CACNA1C: variants seen among roughly 807,000 people sequenced by gnomAD.
CACNA1C encodes the protein voltage-dependent L-type calcium channel subunit alpha-1C.
In CACNA1C, 30 loss-of-function variants were observed where a neutral mutation model predicts 229.0. The ratio of observed to expected loss-of-function variants is 0.13; its 90% CI spans 0.10 to 0.18. The LOEUF is 0.18. Ranked by LOEUF, CACNA1C falls within the 10% of genes least tolerant of loss-of-function variation. CACNA1C has a pLI of 1.00. For missense variants in CACNA1C, 1,658 were observed against 2,845.0 expected (o/e 0.58, Z 9.49); for synonymous variants, 1,114 against 1,132.5 (o/e 0.98, Z 0.33).
intron 3 of CACNA1C, among the ~76,000 whole-genome samples, chr12:2,145,643 G>C (rs1202988986): frequency 6.6e-6 from 1 of 151,292 alleles, no homozygotes; most frequent in African/African-American, 2.4e-5. Context: ...CTGTGAGAGA[G>C]GGTATGGTAC....
At chr12:2,253,108 G>A (rs2076205346) in intron 3 of CACNA1C, among the ~76,000 whole-genome samples, 2 of 152,198 alleles carry the variant, frequency 1.3e-5, no homozygotes. Context: ...TGAGTTTGGT[G>A]TAGCCCCTTC....
In CACNA1C at chr12:2,348,092, G is replaced by T. The variant is rs149705098; in HGVS notation, c.478-100884G>T. Among the ~76,000 whole-genome samples, 1 of 152,194 alleles carries T rather than the reference G, an allele frequency of 6.6e-6. No homozygotes were observed. ...AGAAACTGCAGTGAGGTGACTGTGC[G>T]GCAGGCCCACTCTCAACTCGAGGGG... On this transcript the variant is annotated intron_variant, in intron 3 of 46. Coordinates refer to ENST00000399655, the MANE Select transcript of CACNA1C (RefSeq NM_000719.7). The surrounding 1 kb of genome is among the most constrained non-coding windows in gnomAD (Gnocchi z 4.7).
chr12:2,387,236 G>A (rs2154547547), intron 3 of CACNA1C, among the ~76,000 whole-genome samples: 1 of 152,272 alleles, frequency 6.6e-6, no homozygotes, highest in Non-Finnish European at 1.5e-5. Context: ...TGTAATCTCA[G>A]CACTTTAGGA....
rs2099558316 is a variant in CACNA1C at position 2,467,176 on chromosome 12, C to T, written c.757+9470C>T. Among the ~76,000 whole-genome samples, 1 of 152,136 alleles carries T rather than the reference C, an allele frequency of 6.6e-6. No homozygotes were observed. The highest frequency in any genetic ancestry group is 1.5e-5 in the Non-Finnish European group (1 of 68,022). On this transcript the variant is annotated intron_variant, in intron 5 of 46. Coordinates refer to ENST00000399655, the MANE Select transcript of CACNA1C (RefSeq NM_000719.7). The surrounding 1 kb of genome is among the most constrained non-coding windows in gnomAD (Gnocchi z 4.6). ...CTACAACATCTTCTAAGCCCTTTCCCTCCCACTTCTTTCACTGCCACAGGA... is the reference window on the plus strand; with the variant it reads ...CTACAACATCTTCTAAGCCCTTTCCTTCCCACTTCTTTCACTGCCACAGGA...
intron 1 of CACNA1C, chr12:1,991,660 T>A (rs2039457732): frequency 5.6e-6 from 1 of 179,432 alleles, no homozygotes; most frequent in African/African-American, 2.4e-5. Flanking sequence ...TTAGTGACTA[T>A]CATAGTGGAC....
intron 1 of CACNA1C, among the ~76,000 whole-genome samples, chr12:2,058,157 A>G (rs946630107): frequency 6.6e-6 from 1 of 152,110 alleles, no homozygotes; most frequent in Admixed American, 6.5e-5. Flanking sequence ...GGCAAGTTCC[A>G]TGAGGTCTGA....
chr12:2,122,992 G>A (rs1029970735), intron 3 of CACNA1C, among the ~76,000 whole-genome samples: 1 of 152,200 alleles, frequency 6.6e-6, no homozygotes, highest in Non-Finnish European at 1.5e-5. Flanking sequence ...GGATGCCGAT[G>A]ATTAGTCAGC....
chr12:2,169,725 T>C (rs1367395025), intron 3 of CACNA1C, among the ~76,000 whole-genome samples: 9 of 152,196 alleles, frequency 5.9e-5, no homozygotes, highest in Admixed American at 5.9e-4. Context: ...TGGACTCTGC[T>C]CCTACTATTT....
chr12:2,386,721 C>G (rs2098398176), intron 3 of CACNA1C, among the ~76,000 whole-genome samples: 1 of 152,192 alleles, frequency 6.6e-6, no homozygotes, highest in African/African-American at 2.4e-5. Flanking sequence ...GTCTCTATCT[C>G]CACCCCCATT....
chr12:2,100,326 A>G (rs1269588755), intron 1 of CACNA1C, among the ~76,000 whole-genome samples: 1 of 151,618 alleles, frequency 6.6e-6, no homozygotes, highest in Non-Finnish European at 1.5e-5. Context: ...CGTGCCTGTA[A>G]TCCCAGCTAC....
chr12:2,430,582 G>C (rs984007568), intron 3 of CACNA1C, among the ~76,000 whole-genome samples: 1 of 151,066 alleles, frequency 6.6e-6, no homozygotes, highest in African/African-American at 2.5e-5. Context: ...TGGTGGGGGG[G>C]TCCGAGCATG....
intron 3 of CACNA1C, among the ~76,000 whole-genome samples, chr12:2,426,128 A>C (rs2099029591): frequency 6.6e-6 from 1 of 152,106 alleles, no homozygotes; most frequent in Non-Finnish European, 1.5e-5. Context: ...CAGCACAGTT[A>C]TTTTCATATA....
chr12:2,483,020 A>G (rs983008854), intron 5 of CACNA1C, among the ~76,000 whole-genome samples: 2 of 152,094 alleles, frequency 1.3e-5, no homozygotes, highest in Non-Finnish European at 2.9e-5. Flanking sequence ...TTCTGAAGGC[A>G]CCCCGTGCTC....
chr12:2,474,118 A>C (rs1332454582), intron 5 of CACNA1C, among the ~76,000 whole-genome samples: 4 of 152,236 alleles, frequency 2.6e-5, no homozygotes, highest in Admixed American at 6.5e-5. Flanking sequence ...TAATGAGTAC[A>C]TCTCATTTAC....
At chr12:2,657,766 AAAT>A (rs1569097586) in intron 34 of CACNA1C, among the ~76,000 whole-genome samples, 2 of 152,184 alleles carry the variant, frequency 1.3e-5, no homozygotes, top group African/African-American at 4.8e-5. Context: ...AAGAAAATGC[AAAT>A]AAAAGGATGG....
At chr12:2,177,573 C>CTCCT (rs2096687108) in intron 3 of CACNA1C, among the ~76,000 whole-genome samples, 3 of 57,038 alleles carry the variant, frequency 5.3e-5, no homozygotes, top group Non-Finnish European at 6.4e-5. Context: ...CCCTCCCTCC[C>CTCCT]TCCCTCCCTC....
In CACNA1C at chr12:2,633,342, C is replaced by T. The variant is rs756750185; in HGVS notation, c.3829-955C>T. Among the ~76,000 whole-genome samples the T allele has an allele frequency of 2.0e-5, 3 of 152,166 alleles. No homozygotes were observed. The highest frequency in any genetic ancestry group is 4.4e-5 in the Non-Finnish European group (3 of 68,038). On this transcript the variant is annotated intron_variant, in intron 29 of 46. Coordinates refer to ENST00000399655, the MANE Select transcript of CACNA1C (RefSeq NM_000719.7). The surrounding 1 kb of genome is among the most constrained non-coding windows in gnomAD (Gnocchi z 5.8). Reference sequence around the variant, plus strand: ...CCACGCCCCCCACACCCACTCCTGCCCCTGGTGGGACGTGGACAGGGCCTC... The same window carrying T: ...CCACGCCCCCCACACCCACTCCTGCTCCTGGTGGGACGTGGACAGGGCCTC...
intron 3 of CACNA1C, among the ~76,000 whole-genome samples, chr12:2,146,295 T>G (rs528399038): frequency 6.6e-6 from 1 of 151,298 alleles, no homozygotes; most frequent in Non-Finnish European, 1.5e-5. Context: ...CCTTTCTGGC[T>G]CCAAAATTCT....
intron 29 of CACNA1C, among the ~76,000 whole-genome samples, chr12:2,626,091 G>T (rs1214208209): frequency 6.6e-6 from 1 of 152,256 alleles, no homozygotes; most frequent in African/African-American, 2.4e-5. Flanking sequence ...GGGAAGTGAA[G>T]GCGGTCTATC....
Sources: gnomAD v4.1 joint callset for allele counts (sites outside exome capture counted in the v4.1 genomes callset) on GRCh38, gnomAD v4.1.1 for gene constraint, Gnocchi (gnomAD v3.1) non-coding constraint, MANE v1.5 for transcripts, NCBI Gene and HGNC (gene_info 2026-07-23, HGNC 2026-07-21) for gene names.